FAAH2: variants seen among roughly 807,000 people sequenced by gnomAD.
The protein encoded by FAAH2 is fatty-acid amide hydrolase 2.
FAAH2 carries 60 observed loss-of-function variants against 36.9 expected under a neutral mutation model. The ratio of observed to expected loss-of-function variants is 1.63; its 90% CI spans 1.32 to 2.02. The LOEUF (loss-of-function observed/expected upper bound fraction) is 2.02. FAAH2 is among the 30% of genes most tolerant of loss of function. The pLI, the probability that FAAH2 is intolerant of heterozygous loss-of-function variation, is 0.00. For synonymous variants in FAAH2, 214 were observed against 143.8 expected, an observed-to-expected ratio of 1.49 and a Z score of -3.49; for missense variants, 689 against 397.5, an observed-to-expected ratio of 1.73 and a Z score of -6.23.
chrX:57,193,693 C>T, the FAAH2 span, among the ~76,000 whole-genome samples: 1 of 111,504 alleles, frequency 9.0e-6, no homozygotes, highest in African/African-American at 3.3e-5. Flanking sequence ...TAGAAAAGAA[C>T]CTATGTGACT....
At chrX:57,314,090 T>C (rs1450353221) in intron 3 of FAAH2, among the ~76,000 whole-genome samples, 3 of 111,730 alleles carry the variant, frequency 2.7e-5, no homozygotes, top group Non-Finnish European at 5.7e-5. Flanking sequence ...GTTGCTATTC[T>C]TTTTATCAGA....
intron 10 of FAAH2, among the ~76,000 whole-genome samples, chrX:57,478,671 G>A (rs1482828668): frequency 9.0e-6 from 1 of 111,654 alleles, no homozygotes. Flanking sequence ...TGTATAAGGT[G>A]TAAGGAAGGG....
chrX:57,318,907 C>T (rs908888828), intron 3 of FAAH2, among the ~76,000 whole-genome samples: 2 of 111,663 alleles, frequency 1.8e-5, no homozygotes, highest in South Asian at 3.8e-4. Flanking sequence ...TAAACAGAAC[C>T]AATGACAAAA....
the FAAH2 span, among the ~76,000 whole-genome samples, chrX:57,223,082 C>A: frequency 8.9e-6 from 1 of 112,363 alleles, no homozygotes; most frequent in East Asian, 2.8e-4. Context: ...TCACACTCGT[C>A]CATCTGGAAA....
At chrX:57,249,754 T>G in the FAAH2 span, among the ~76,000 whole-genome samples, 1 of 112,070 alleles carries the variant, frequency 8.9e-6, no homozygotes, top group Non-Finnish European at 1.9e-5. Context: ...ACTTTTGATA[T>G]GCTGGGTTCT....
At chrX:57,331,570 TA>T in intron 3 of FAAH2, 27 bp from the exon 4 acceptor site, 1 of 1,168,045 alleles carries the variant, frequency 8.6e-7, no homozygotes, top group Non-Finnish European at 1.2e-6. Context: ...TAATAATTTT[TA>T]AACATTCTTT....
the FAAH2 span, among the ~76,000 whole-genome samples, chrX:57,253,102 T>G: frequency 0.45 from 50,035 of 110,797 alleles, 11,238 homozygotes; most frequent in African/African-American, 0.88. Flanking sequence ...ACCACAGTAC[T>G]AGACTTCGTG....
intron 7 of FAAH2, among the ~76,000 whole-genome samples, chrX:57,389,261 C>T (rs1027053381): frequency 1.5e-5 from 1 of 68,952 alleles, no homozygotes; most frequent in Non-Finnish European, 2.8e-5. Flanking sequence ...CACATACACA[C>T]GCACACACAC....
At chrX:57,122,204 T>G in the FAAH2 span, among the ~76,000 whole-genome samples, 1 of 112,166 alleles carries the variant, frequency 8.9e-6, no homozygotes, top group African/African-American at 3.2e-5. Flanking sequence ...GCTCATAGTT[T>G]TTTTTCCTTT....
At chrX:57,329,607 G>A (rs1373704395) in intron 3 of FAAH2, among the ~76,000 whole-genome samples, 5 of 108,107 alleles carry the variant, frequency 4.6e-5, no homozygotes, top group African/African-American at 1.7e-4. Flanking sequence ...TGTGCTGGTA[G>A]AGAAGGGAAG....
chrX:57,177,974 A>C, the FAAH2 span, among the ~76,000 whole-genome samples: 1 of 110,841 alleles, frequency 9.0e-6, no homozygotes, highest in Non-Finnish European at 1.9e-5. Context: ...TAAGAGTAGC[A>C]GTCCCTGAGG....
intron 8 of FAAH2, among the ~76,000 whole-genome samples, chrX:57,439,609 G>T (rs747581122): frequency 6.4e-4 from 71 of 111,658 alleles, no homozygotes; most frequent in African/African-American, 2.3e-3. Flanking sequence ...AGTTTAATTA[G>T]ATGCCATTTG....
At chrX:57,301,296 C>T (rs1210518500) in intron 2 of FAAH2, among the ~76,000 whole-genome samples, 1 of 110,209 alleles carries the variant, frequency 9.1e-6, no homozygotes, top group Non-Finnish European at 1.9e-5. Flanking sequence ...AAAAGGATGA[C>T]TTCATTTCCT....
chrX:57,346,911 G>C (rs1482320075), intron 5 of FAAH2, among the ~76,000 whole-genome samples: 1 of 111,310 alleles, frequency 9.0e-6, no homozygotes, highest in Admixed American at 9.6e-5. Context: ...TGCCTTTAAA[G>C]GTTTCTGCTG....
At chrX:57,441,957 C>T (rs952807747) in intron 8 of FAAH2, among the ~76,000 whole-genome samples, 2 of 111,883 alleles carry the variant, frequency 1.8e-5, no homozygotes, top group African/African-American at 3.2e-5. Context: ...AGTTCGATTG[C>T]ACTGTGGTCT....
the FAAH2 span, among the ~76,000 whole-genome samples, chrX:57,204,932 C>T: frequency 1.8e-5 from 2 of 112,261 alleles, no homozygotes; most frequent in African/African-American, 6.5e-5. Flanking sequence ...GTAGCTAGAG[C>T]TTGGCTAGTA....
At chrX:57,473,745 G>A (rs1254075370) in intron 10 of FAAH2, among the ~76,000 whole-genome samples, 1 of 111,327 alleles carries the variant, frequency 9.0e-6, no homozygotes, top group Non-Finnish European at 1.9e-5. Context: ...TTTTATTGGA[G>A]CTTTTCTTAA....
At chrX:57,169,518 A>G in the FAAH2 span, among the ~76,000 whole-genome samples, 1 of 5,505 alleles carries the variant, frequency 1.8e-4, no homozygotes. Flanking sequence ...ATATATATAT[A>G]TATATATATA....
the FAAH2 span, among the ~76,000 whole-genome samples, chrX:57,204,734 G>A: frequency 1.9e-4 from 21 of 112,372 alleles, no homozygotes; most frequent in Non-Finnish European, 3.2e-4. Flanking sequence ...CCTTTAGACA[G>A]GCTCAAAAAC....
Sources: allele counts gnomAD v4.1 joint callset (sites outside exome capture counted in the v4.1 genomes callset), GRCh38; gene constraint gnomAD v4.1.1; transcripts MANE v1.5; gene names NCBI Gene and HGNC (gene_info 2026-07-23, HGNC 2026-07-21).